The following B4GALT5 variants were observed in gnomAD, a reference collection of about 807,000 sequenced individuals.
B4GALT5 encodes UDP-Gal:beta-GlcNAc beta-1,4-galactosyltransferase 5.
In B4GALT5, 11 loss-of-function variants were observed where a neutral mutation model predicts 45.0. The observed-to-expected ratio is 0.24, with a 90% CI of 0.15 to 0.40. B4GALT5 has a LOEUF of 0.40. B4GALT5 is among the 10% of genes least tolerant of loss of function. The pLI is 1.00. For missense variants in B4GALT5, 337 were observed against 500.2 expected, an observed-to-expected ratio of 0.67 and a Z score of 3.11; for synonymous variants, 185 against 182.9, an observed-to-expected ratio of 1.01 and a Z score of -0.09.
chr20:49,684,582 C>G (rs545918701), intron 1 of B4GALT5: 1 of 518,710 alleles, frequency 1.9e-6, no homozygotes, highest in Non-Finnish European at 3.8e-6. Flanking sequence ...AAGTTGGTCC[C>G]TGAACTGAAA....
intron 1 of B4GALT5, among the ~76,000 whole-genome samples, chr20:49,671,839 TTTTTC>T (rs1568725393): frequency 1.2e-4 from 10 of 80,932 alleles, no homozygotes; most frequent in East Asian, 3.8e-4. Flanking sequence ...GGGCAGGGTC[TTTTTC>T]TTTTCATTTT....
At chr20:49,656,801 T>C in intron 1 of B4GALT5, 99 bp from the exon 2 acceptor site, 8 of 1,491,528 alleles carry the variant, frequency 5.4e-6, no homozygotes, top group Non-Finnish European at 7.3e-6. Flanking sequence ...TTTGGACTTT[T>C]AAAGCCTCTT....
At chr20:49,697,029 T>G (rs1049983698) in intron 1 of B4GALT5, among the ~76,000 whole-genome samples, 1 of 152,266 alleles carries the variant, frequency 6.6e-6, no homozygotes, top group African/African-American at 2.4e-5. Flanking sequence ...GTTGTTTAAT[T>G]TGTGGCTACT....
chr20:49,650,240 G>C (rs191038080), intron 2 of B4GALT5, among the ~76,000 whole-genome samples: 36 of 152,088 alleles, frequency 2.4e-4, no homozygotes, highest in African/African-American at 7.2e-4. Context: ...ACTGTTTTAA[G>C]AATCCTCAAA....
intron 1 of B4GALT5, among the ~76,000 whole-genome samples, chr20:49,679,085 T>C (rs1037678614): frequency 6.6e-5 from 10 of 152,188 alleles, no homozygotes; most frequent in African/African-American, 2.4e-4. Context: ...TACTATGATC[T>C]TCCTTTTAAA....
At chr20:49,707,299 G>A (rs1375639324) in intron 1 of B4GALT5, among the ~76,000 whole-genome samples, 2 of 151,972 alleles carry the variant, frequency 1.3e-5, no homozygotes, top group Non-Finnish European at 2.9e-5. Flanking sequence ...CTCCAAACAC[G>A]GCTTCCTCCT....
intron 1 of B4GALT5, chr20:49,684,479 T>C (rs1441727306): frequency 1.2e-5 from 6 of 484,354 alleles, no homozygotes; most frequent in South Asian, 4.6e-5. Flanking sequence ...AGCAGAATGG[T>C]GTGAACCCAG....
intron 5 of B4GALT5, among the ~76,000 whole-genome samples, chr20:49,642,008 C>T (rs907789060): frequency 6.6e-6 from 1 of 152,064 alleles, no homozygotes; most frequent in Non-Finnish European, 1.5e-5. Context: ...ATCTGGTTCC[C>T]TACCAATATT....
intron 1 of B4GALT5, among the ~76,000 whole-genome samples, chr20:49,666,231 A>G (rs1280426325): frequency 6.6e-6 from 1 of 152,224 alleles, no homozygotes; most frequent in Non-Finnish European, 1.5e-5. Flanking sequence ...CCTGAATCTT[A>G]GCAAAGACTG....
Position 49,642,059 on chromosome 20 carries a change from G to A in B4GALT5, c.606+409C>T, listed in dbSNP as rs1201215421. On this transcript the variant is annotated intron_variant, in intron 5 of 8. Transcript: ENST00000371711. ...AAACCAAACCCTCAGGCTTAGAGAA[G>A]TTTGCAAATGTCCCAGGCCACTTGG... Among the ~76,000 whole-genome samples, 9 of 152,268 alleles carry A rather than the reference G, an allele frequency of 5.9e-5. No individual in the cohort carries two copies. The East Asian group carries it at 1.7e-3, about 29-fold the overall frequency.
At chr20:49,700,704 T>C (rs576507835) in intron 1 of B4GALT5, among the ~76,000 whole-genome samples, 4 of 152,318 alleles carry the variant, frequency 2.6e-5, no homozygotes, top group African/African-American at 9.6e-5. Flanking sequence ...TCCAGACGAC[T>C]ACTAAATGTG....
chr20:49,681,290 G>C (rs1321022016), intron 1 of B4GALT5, among the ~76,000 whole-genome samples: 3 of 150,590 alleles, frequency 2.0e-5, no homozygotes, highest in Non-Finnish European at 1.5e-5. Flanking sequence ...GAAGGACACT[G>C]AGGTTCTGTA....
intron 1 of B4GALT5, among the ~76,000 whole-genome samples, chr20:49,708,425 G>A (rs1029310901): frequency 6.6e-6 from 1 of 152,084 alleles, no homozygotes; most frequent in Non-Finnish European, 1.5e-5. Context: ...AGGGCTTTGG[G>A]ATTTTTTGAA....
Position 49,634,522 on chromosome 20 carries a change from G to A in B4GALT5, c.*1790C>T, listed in dbSNP as rs1336069925. ...CAGAGACTACAATTTGAGGGCTTTG[G>A]TTTGGGGAAAAACAAAGAGGCACAA... On this transcript the variant is annotated 3_prime_UTR_variant, in exon 9 of 9. Coordinates refer to ENST00000371711, the MANE Select transcript of B4GALT5 (RefSeq NM_004776.4). 2.0e-5 allele frequency: 3 copies of A among 152,186 alleles called. No individual in the cohort carries two copies. Among genetic ancestry groups the A allele is most frequent in the African/African-American group, 7.2e-5 (3 of 41,432 alleles). 9.4% of individuals were successfully genotyped at this position (152,186 alleles called of 1,614,324 possible).
intron 1 of B4GALT5, among the ~76,000 whole-genome samples, chr20:49,661,257 A>G (rs1357965988): frequency 1.3e-5 from 2 of 151,932 alleles, no homozygotes; most frequent in East Asian, 3.9e-4. Flanking sequence ...TTTTTTGGAG[A>G]TAGAGTCTCC....
In B4GALT5 at chr20:49,713,810, CG is replaced by C. The variant is rs1046250474; in HGVS notation, c.-121del. On this transcript the variant is annotated 5_prime_UTR_variant, in exon 1 of 9. Transcript: ENST00000371711. ...CTCGGCCACCGCCTCCCGGGCCTCG[CG>C]GGCCGCCACTCGCCGCCGCCGCCGC... 563 of 164,948 alleles carry C rather than the reference CG, an allele frequency of 3.4e-3. 4 individuals carry two copies. Among genetic ancestry groups the C allele is most frequent in the East Asian group, 0.025 (129 of 5,232 alleles). The allele number at this position is 164,948 out of a possible 1,614,324, so 10.2% of individuals were successfully genotyped here.
At chr20:49,655,689 G>A (rs2085639664) in intron 2 of B4GALT5, among the ~76,000 whole-genome samples, 1 of 151,976 alleles carries the variant, frequency 6.6e-6, no homozygotes, top group Non-Finnish European at 1.5e-5. Context: ...AGCACTTTGG[G>A]AGGCCGAGGC....
chr20:49,648,582 G>A (rs541947922), intron 2 of B4GALT5, among the ~76,000 whole-genome samples: 2 of 152,306 alleles, frequency 1.3e-5, no homozygotes, highest in East Asian at 3.9e-4. Context: ...TCTTTTATCA[G>A]TGGTTCTTCT....
intron 1 of B4GALT5, among the ~76,000 whole-genome samples, chr20:49,681,390 A>G (rs189897800): frequency 1.3e-5 from 2 of 151,894 alleles, no homozygotes; most frequent in African/African-American, 2.4e-5. Context: ...AACAGCCCCA[A>G]ACTAATTTCT....
Sources: gnomAD v4.1 joint callset for allele counts (sites outside exome capture counted in the v4.1 genomes callset) on GRCh38, gnomAD v4.1.1 for gene constraint, MANE v1.5 for transcripts, NCBI Gene and HGNC (gene_info 2026-07-23, HGNC 2026-07-21) for gene names.